Variants in PEBP4 observed in about 807,000 individuals in gnomAD.
PEBP4 encodes the protein phosphatidylethanolamine binding protein 4, also known as phosphatidylethanolamine-binding protein 4.
A neutral mutation model predicts 23.9 loss-of-function variants in PEBP4; 22 were observed. The observed-to-expected ratio is 0.92, with a 90% CI of 0.66 to 1.31. The LOEUF (loss-of-function observed/expected upper bound fraction) is 1.31. PEBP4 is among the 40% of genes most tolerant of loss of function. The pLI is 0.00. For missense variants in PEBP4, 324 were observed against 281.7 expected, an observed-to-expected ratio of 1.15 and a Z score of -1.07; for synonymous variants, 112 against 99.3, an observed-to-expected ratio of 1.13 and a Z score of -0.76.
chr8:22,895,428 G>A (rs1808569996), intron 3 of PEBP4: 1 of 152,170 alleles, frequency 6.6e-6, no homozygotes, highest in African/African-American at 2.4e-5. Flanking sequence ...GACATGCTTT[G>A]GTGAGGGGGA....
intron 3 of PEBP4, among the ~76,000 whole-genome samples, chr8:22,859,692 T>G (rs1485358113): frequency 3.9e-5 from 6 of 152,198 alleles, no homozygotes; most frequent in Non-Finnish European, 7.3e-5. Flanking sequence ...ACACGGCATT[T>G]GAGGCCCATC....
At chr8:22,844,302 C>A (rs1444331366) in intron 3 of PEBP4, among the ~76,000 whole-genome samples, 1 of 152,190 alleles carries the variant, frequency 6.6e-6, no homozygotes, top group African/African-American at 2.4e-5. Context: ...TGCAAAGGCA[C>A]GATCTCAGCT....
At chr8:22,800,517 T>G (rs140146796) in intron 4 of PEBP4, among the ~76,000 whole-genome samples, 1 of 152,166 alleles carries the variant, frequency 6.6e-6, no homozygotes, top group African/African-American at 2.4e-5. Context: ...TTGTGACTCT[T>G]TACTCTTCAT....
At chr8:22,880,405 TG>T (rs1323938070) in intron 3 of PEBP4, 1 of 152,196 alleles carries the variant, frequency 6.6e-6, no homozygotes, top group East Asian at 1.9e-4. Context: ...AGGATGCAGA[TG>T]GGGGCTATAG....
chr8:22,809,458 A>T (rs1806571741), intron 4 of PEBP4, among the ~76,000 whole-genome samples: 1 of 152,104 alleles, frequency 6.6e-6, no homozygotes, highest in African/African-American at 2.4e-5. Context: ...ATAAGCTGTC[A>T]CCTGGGCTGG....
At chr8:22,809,562 G>A (rs1351406546) in intron 4 of PEBP4, among the ~76,000 whole-genome samples, 1 of 152,094 alleles carries the variant, frequency 6.6e-6, no homozygotes, top group African/African-American at 2.4e-5. Flanking sequence ...ATCTCAGGCC[G>A]CCACTTGCTA....
intron 3 of PEBP4, among the ~76,000 whole-genome samples, chr8:22,891,018 T>TG (rs1269716793): frequency 6.6e-6 from 1 of 152,296 alleles, no homozygotes; most frequent in African/African-American, 2.4e-5. Flanking sequence ...TTAGTAGAGA[T>TG]GGGGTTTCAC....
chr8:22,737,168 C>T (rs1382359596), intron 4 of PEBP4, among the ~76,000 whole-genome samples: 1 of 152,010 alleles, frequency 6.6e-6, no homozygotes, highest in Non-Finnish European at 1.5e-5. Context: ...GTGGCAGGCG[C>T]CTGTAGTCCC....
At chr8:22,718,888 A>G (rs1445823805) in intron 6 of PEBP4, among the ~76,000 whole-genome samples, 2 of 151,964 alleles carry the variant, frequency 1.3e-5, no homozygotes, top group Admixed American at 6.5e-5. Context: ...TTCTGCTACT[A>G]GGCTGGTGGA....
intron 3 of PEBP4, among the ~76,000 whole-genome samples, chr8:22,860,968 A>G (rs996371602): frequency 2.6e-5 from 4 of 152,216 alleles, no homozygotes; most frequent in Admixed American, 1.3e-4. Context: ...GCCACATCTG[A>G]TCTCAGTATC....
At chr8:22,918,948 C>CACACATGTTT (rs1288963979) in intron 3 of PEBP4, among the ~76,000 whole-genome samples, 1 of 151,982 alleles carries the variant, frequency 6.6e-6, no homozygotes, top group African/African-American at 2.4e-5. Context: ...CACACATGTG[C>CACACATGTTT]ACGTGTGCAC....
At chr8:22,932,260 G>T (rs912092526), upstream of PEBP4, among the ~76,000 whole-genome samples, 9 of 152,002 alleles carry the variant, frequency 5.9e-5, no homozygotes, top group Non-Finnish European at 1.3e-4. Flanking sequence ...AGACGTGAAT[G>T]AGAGGTATGG....
intron 4 of PEBP4, among the ~76,000 whole-genome samples, chr8:22,732,997 C>T (rs991638594): frequency 2.6e-5 from 4 of 152,200 alleles, no homozygotes; most frequent in South Asian, 4.1e-4. Flanking sequence ...AGACTTGTCC[C>T]GTCTGGGTCA....
intron 3 of PEBP4, among the ~76,000 whole-genome samples, chr8:22,917,593 C>A (rs1369197962): frequency 6.6e-6 from 1 of 152,188 alleles, no homozygotes; most frequent in African/African-American, 2.4e-5. Context: ...CACCTTTCAG[C>A]TCTGTACTTG....
At chr8:22,857,010 T>A (rs1807668563) in intron 3 of PEBP4, among the ~76,000 whole-genome samples, 1 of 152,060 alleles carries the variant, frequency 6.6e-6, no homozygotes, top group Non-Finnish European at 1.5e-5. Context: ...TTTGATGACA[T>A]GAACTGATGC....
intron 4 of PEBP4, among the ~76,000 whole-genome samples, chr8:22,743,448 C>T (rs1805042521): frequency 6.6e-6 from 1 of 152,174 alleles, no homozygotes; most frequent in Non-Finnish European, 1.5e-5. Flanking sequence ...TTTATGGACC[C>T]GTTTCATCCT....
intron 3 of PEBP4, among the ~76,000 whole-genome samples, chr8:22,875,737 G>T (rs530609363): frequency 1.3e-5 from 2 of 152,064 alleles, no homozygotes; most frequent in Non-Finnish European, 2.9e-5. Context: ...CTTCCTGCCT[G>T]TCACCCAGCA....
At chr8:22,748,684 G>A (rs1050234892) in intron 4 of PEBP4, among the ~76,000 whole-genome samples, 1 of 152,038 alleles carries the variant, frequency 6.6e-6, no homozygotes, top group South Asian at 2.1e-4. Context: ...GTGGGGAGGT[G>A]GGTGGAACAG....
chr8:22,900,732 G>T (rs980140443), intron 3 of PEBP4, among the ~76,000 whole-genome samples: 1 of 152,018 alleles, frequency 6.6e-6, no homozygotes, highest in African/African-American at 2.4e-5. Context: ...ACTTAAGCTA[G>T]TTGGATACAG....
Sources: allele counts gnomAD v4.1 joint callset (sites outside exome capture counted in the v4.1 genomes callset), GRCh38; gene constraint gnomAD v4.1.1; transcripts MANE v1.5; gene names NCBI Gene and HGNC (gene_info 2026-07-23, HGNC 2026-07-21).